The following SAMD5 variants were observed in gnomAD, a reference collection of about 807,000 sequenced individuals.
SAMD5 encodes sterile alpha motif domain-containing protein 5.
In SAMD5, 13 loss-of-function variants were observed where a neutral mutation model predicts 11.3. That is an observed-to-expected ratio of 1.15 (90% confidence interval 0.75 to 1.83). SAMD5 has a LOEUF of 1.83. Among genes scored for constraint, SAMD5 ranks in the 40% most tolerant of loss-of-function variants. The pLI, the probability that SAMD5 is intolerant of heterozygous loss-of-function variation, is 0.00. For missense variants in SAMD5, 255 were observed against 239.1 expected (o/e 1.07, Z -0.44); for synonymous variants, 129 against 111.3 (o/e 1.16, Z -1.00).
chr6:147,878,845 C>A, the SAMD5 span, among the ~76,000 whole-genome samples: 9 of 151,924 alleles, frequency 5.9e-5, no homozygotes, highest in African/African-American at 2.2e-4. Flanking sequence ...AGCTCCACCT[C>A]CTGGGTTCAC....
At position 147,615,532 on chromosome 6, in the gene SAMD5, T is replaced by C. The variant is rs575533908; in HGVS notation, c.162+106145T>C. ...TCATTTTTATTTACATCAAAATTAATAAAACAGAAAAATTAAGATATTACT... is the reference window on the plus strand; with the variant it reads ...TCATTTTTATTTACATCAAAATTAACAAAACAGAAAAATTAAGATATTACT... On this transcript the variant is annotated intron_variant, in intron 1 of 1. Transcript: ENST00000566741. Among the ~76,000 whole-genome samples, 5 of 152,296 alleles carry C rather than the reference T, an allele frequency of 3.3e-5. No individual in the cohort carries two copies. The South Asian group carries it at 1.0e-3, about 32-fold the overall frequency.
At chr6:147,849,188 T>G in the SAMD5 span, among the ~76,000 whole-genome samples, 1 of 149,368 alleles carries the variant, frequency 6.7e-6, no homozygotes, top group Non-Finnish European at 1.5e-5. Flanking sequence ...CAATTCTGGA[T>G]TTTAGAGCCT....
the SAMD5 span, among the ~76,000 whole-genome samples, chr6:147,773,770 C>G: frequency 6.6e-6 from 1 of 152,232 alleles, no homozygotes; most frequent in African/African-American, 2.4e-5. Context: ...TATGAATGAT[C>G]TGGTTTCGTG....
the SAMD5 span, among the ~76,000 whole-genome samples, chr6:147,868,612 T>C: frequency 2.0e-5 from 3 of 152,236 alleles, no homozygotes; most frequent in African/African-American, 7.2e-5. Flanking sequence ...CTCTGTGGTG[T>C]ACTGGAAATA....
the SAMD5 span, among the ~76,000 whole-genome samples, chr6:147,763,532 T>C: frequency 1.3e-5 from 2 of 152,006 alleles, no homozygotes; most frequent in African/African-American, 4.8e-5. Flanking sequence ...TTACATAATG[T>C]TCTTTCCTGT....
chr6:147,892,039 C>G, the SAMD5 span, among the ~76,000 whole-genome samples: 8 of 152,196 alleles, frequency 5.3e-5, no homozygotes, highest in African/African-American at 1.7e-4. Context: ...TCACATTGCA[C>G]GGCTAGCCTT....
At chr6:147,937,213 C>G in the SAMD5 span, among the ~76,000 whole-genome samples, 1 of 152,134 alleles carries the variant, frequency 6.6e-6, no homozygotes, top group African/African-American at 2.4e-5. Flanking sequence ...CTTTAAAAAG[C>G]CTCTAGGTTC....
Position 147,509,248 on chromosome 6 carries a change from G to C in SAMD5, c.320G>C (p.Arg107Pro). Residue 107 changes from arginine (R) to proline (P), a missense_variant, in exon 1 of 2, where the codon CGC becomes CCC. Transcript: ENST00000367474. ...TGCGGCGGCCCGGCCCAGGGCACCC[G>C]CGGGGACTCTCGCGGCCACACGACC... The part of the protein sequence containing the change: ...EPCGGPAQGT[R>P]GDSRGHTTAP... 6.6e-7 allele frequency: 1 copy of C among 1,509,294 alleles called. No homozygotes were observed. The highest frequency in any genetic ancestry group is 8.8e-7 in the Non-Finnish European group (1 of 1,130,558). The allele number at this position is 1,509,294 out of a possible 1,614,324, so 93.5% of individuals were successfully genotyped here. A position where few individuals can be genotyped will look rare whatever the true frequency, so the allele number is the denominator to read the frequency against.
chr6:147,826,514 C>T, the SAMD5 span, among the ~76,000 whole-genome samples: 18 of 152,286 alleles, frequency 1.2e-4, no homozygotes, highest in Non-Finnish European at 2.5e-4. Flanking sequence ...GTTCTTCAGT[C>T]TCCTCCTATA....
At chr6:147,688,865 G>C (rs754543567) in intron 1 of SAMD5, among the ~76,000 whole-genome samples, 1 of 152,158 alleles carries the variant, frequency 6.6e-6, no homozygotes, top group Non-Finnish European at 1.5e-5. Context: ...ATCACCAAAG[G>C]TCAAAATCCT....
At chr6:147,887,604 T>G in the SAMD5 span, among the ~76,000 whole-genome samples, 1 of 152,178 alleles carries the variant, frequency 6.6e-6, no homozygotes, top group African/African-American at 2.4e-5. Context: ...TTGATTCCAG[T>G]TTTTTACTAC....
At chr6:147,917,215 C>G in the SAMD5 span, among the ~76,000 whole-genome samples, 4 of 128,354 alleles carry the variant, frequency 3.1e-5, no homozygotes, top group South Asian at 5.7e-4. Context: ...CTCTCCAGCA[C>G]CTGTTGTTTC....
At chr6:147,814,195 A>T in the SAMD5 span, among the ~76,000 whole-genome samples, 5 of 152,272 alleles carry the variant, frequency 3.3e-5, no homozygotes, top group East Asian at 9.6e-4. Flanking sequence ...ACTCAGATGT[A>T]TCTCTGTTCT....
chr6:147,832,618 C>A, the SAMD5 span, among the ~76,000 whole-genome samples: 1 of 152,198 alleles, frequency 6.6e-6, no homozygotes. Context: ...CCGTTCCAGA[C>A]CTAGATCACT....
chr6:147,797,857 G>C, the SAMD5 span, among the ~76,000 whole-genome samples: 12,728 of 150,582 alleles, frequency 0.085, 855 homozygotes, highest in African/African-American at 0.19. Flanking sequence ...TATTTGCGTA[G>C]AGGTTTTGTA....
At chr6:147,871,223 C>CG in the SAMD5 span, among the ~76,000 whole-genome samples, 3 of 152,070 alleles carry the variant, frequency 2.0e-5, no homozygotes, top group East Asian at 3.9e-4. Context: ...TTAACAGGAT[C>CG]AATTTTTTTT....
At chr6:147,934,699 G>A in the SAMD5 span, among the ~76,000 whole-genome samples, 1 of 152,102 alleles carries the variant, frequency 6.6e-6, no homozygotes, top group South Asian at 2.1e-4. Context: ...GGACCTGTGA[G>A]ATTCTGCCTA....
the SAMD5 span, among the ~76,000 whole-genome samples, chr6:147,795,896 C>T: frequency 6.6e-6 from 1 of 152,116 alleles, no homozygotes; most frequent in Non-Finnish European, 1.5e-5. Context: ...ATCCTTCGCC[C>T]ACTCTTTGAT....
At chr6:147,859,113 G>A in the SAMD5 span, among the ~76,000 whole-genome samples, 6 of 152,214 alleles carry the variant, frequency 3.9e-5, no homozygotes, top group Admixed American at 2.6e-4. Context: ...GGGAATTGTC[G>A]AGTAAAGCAA....
Sources: gnomAD v4.1 joint callset for allele counts (sites outside exome capture counted in the v4.1 genomes callset) on GRCh38, gnomAD v4.1.1 for gene constraint, MANE v1.5 for transcripts, NCBI Gene and HGNC (gene_info 2026-07-23, HGNC 2026-07-21) for gene names.